SNX29: variants seen among roughly 807,000 people sequenced by gnomAD.
SNX29 encodes the protein sorting nexin-29.
A neutral mutation model predicts 102.1 loss-of-function variants in SNX29; 78 were observed. The observed-to-expected ratio is 0.76, with a 90% CI of 0.64 to 0.92. The LOEUF is 0.92. Among genes scored for constraint, SNX29 ranks in the 40% least tolerant of loss-of-function variants. SNX29 has a pLI of 0.00. For missense variants in SNX29, 1,280 were observed against 1,061.7 expected (o/e 1.21, Z -2.86); for synonymous variants, 580 against 414.5 (o/e 1.40, Z -4.85).
At chr16:12,500,792 A>G (rs190833544) in intron 19 of SNX29, among the ~76,000 whole-genome samples, 3 of 152,196 alleles carry the variant, frequency 2.0e-5, no homozygotes, top group Non-Finnish European at 4.4e-5. Context: ...GGTTGCATAC[A>G]CAAGCAAGTT....
At position 12,282,958 on chromosome 16, in the gene SNX29, A is replaced by G. The variant is rs1005493122; in HGVS notation, c.1782+4922A>G. Reference sequence around the variant, plus strand: ...AGGCGTGAGCCACTGCACTCGGCCCACAGTTAAGTCTTAACTAGAGCTCAG... The same window carrying G: ...AGGCGTGAGCCACTGCACTCGGCCCGCAGTTAAGTCTTAACTAGAGCTCAG... On this transcript the variant is annotated intron_variant, in intron 15 of 20. Coordinates refer to ENST00000566228, the MANE Select transcript of SNX29 (RefSeq NM_032167.5). 7.9e-5 allele frequency among the ~76,000 whole-genome samples: 12 copies of G among 152,250 alleles called. 1 individual carries two copies. The highest frequency in any genetic ancestry group is 7.2e-4 in the Admixed American group (11 of 15,300).
At chr16:12,550,176 C>G (rs561422900) in intron 20 of SNX29, among the ~76,000 whole-genome samples, 2 of 152,186 alleles carry the variant, frequency 1.3e-5, no homozygotes, top group Non-Finnish European at 2.9e-5. Flanking sequence ...GAAAAAATCT[C>G]CATGACATTA....
At chr16:12,264,071 G>A (rs2078855751) in intron 14 of SNX29, among the ~76,000 whole-genome samples, 1 of 152,226 alleles carries the variant, frequency 6.6e-6, no homozygotes, top group African/African-American at 2.4e-5. Context: ...CTACGAGAAA[G>A]GTGTGATTAT....
intron 16 of SNX29, among the ~76,000 whole-genome samples, chr16:12,370,802 C>T (rs1212461467): frequency 1.3e-5 from 2 of 152,192 alleles, no homozygotes; most frequent in Non-Finnish European, 2.9e-5. Context: ...CAGTTTGTGC[C>T]TAGATTCATT....
chr16:12,193,326 C>T (rs755647062), intron 13 of SNX29, among the ~76,000 whole-genome samples: 14 of 151,890 alleles, frequency 9.2e-5, no homozygotes, highest in Non-Finnish European at 1.3e-4. Context: ...AACAATTAGC[C>T]GGGCCTAGTG....
intron 19 of SNX29, among the ~76,000 whole-genome samples, chr16:12,480,531 C>T (rs1393310752): frequency 6.6e-6 from 1 of 152,154 alleles, no homozygotes; most frequent in African/African-American, 2.4e-5. Flanking sequence ...CCTAACTTAA[C>T]CACATCTGCT....
At chr16:12,158,441 C>A (rs2055647075) in intron 13 of SNX29, among the ~76,000 whole-genome samples, 1 of 152,142 alleles carries the variant, frequency 6.6e-6, no homozygotes, top group South Asian at 2.1e-4. Flanking sequence ...CTCAAGTGAT[C>A]CACCCACCTC....
chr16:12,361,727 C>T (rs1169419535), intron 16 of SNX29, among the ~76,000 whole-genome samples: 1 of 151,898 alleles, frequency 6.6e-6, no homozygotes, highest in African/African-American at 2.4e-5. Flanking sequence ...ATATGATATA[C>T]TAATGGTAAT....
intron 14 of SNX29, among the ~76,000 whole-genome samples, chr16:12,248,253 C>T (rs1186406466): frequency 6.6e-6 from 1 of 152,220 alleles, no homozygotes; most frequent in Non-Finnish European, 1.5e-5. Flanking sequence ...TGGCCTCTTC[C>T]TCCTCCCTCA....
At chr16:12,005,971 A>T (rs1167661574) in intron 3 of SNX29, among the ~76,000 whole-genome samples, 2 of 152,202 alleles carry the variant, frequency 1.3e-5, no homozygotes, top group Admixed American at 6.5e-5. Context: ...GTTCTATTTT[A>T]TAGTAGAATT....
intron 19 of SNX29, among the ~76,000 whole-genome samples, chr16:12,517,136 A>C (rs555280386): frequency 6.6e-6 from 1 of 152,346 alleles, no homozygotes; most frequent in Non-Finnish European, 1.5e-5. Context: ...ACAGAGTGAC[A>C]GCAGAGCCAC....
intron 20 of SNX29, chr16:12,560,970 G>C (rs1205542847): frequency 9.4e-6 from 2 of 212,796 alleles, no homozygotes; most frequent in Non-Finnish European, 1.9e-5. Context: ...CTGCCTTCAA[G>C]GAACCCTTGG....
intron 20 of SNX29, among the ~76,000 whole-genome samples, chr16:12,554,703 C>T (rs1056270454): frequency 5.9e-5 from 9 of 152,190 alleles, no homozygotes; most frequent in East Asian, 1.9e-4. Flanking sequence ...CTGCCCATGC[C>T]TGGTGACAGC....
At chr16:12,419,753 C>G (rs999352231) in intron 18 of SNX29, among the ~76,000 whole-genome samples, 6 of 152,206 alleles carry the variant, frequency 3.9e-5, no homozygotes, top group Non-Finnish European at 5.9e-5. Flanking sequence ...CTGTCTTTGA[C>G]TCTCAATGGT....
chr16:12,225,829 C>T (rs2077595442), intron 14 of SNX29, among the ~76,000 whole-genome samples: 1 of 152,186 alleles, frequency 6.6e-6, no homozygotes, highest in African/African-American at 2.4e-5. Flanking sequence ...TTCTAGCATC[C>T]AGCCCACATT....
At chr16:12,566,752 C>CA (rs1357049358) in intron 20 of SNX29, among the ~76,000 whole-genome samples, 1 of 152,200 alleles carries the variant, frequency 6.6e-6, no homozygotes, top group East Asian at 1.9e-4. Context: ...TGCAGCCAGA[C>CA]ACCCACCTAA....
chr16:12,334,091 G>A (rs753144459), intron 15 of SNX29, among the ~76,000 whole-genome samples: 2 of 152,100 alleles, frequency 1.3e-5, no homozygotes, highest in Admixed American at 1.3e-4. Flanking sequence ...GCTAGACGTA[G>A]GGAAACACTT....
intron 11 of SNX29, 71 bp downstream of exon 11, chr16:12,078,986 T>C: frequency 1.5e-6 from 2 of 1,352,992 alleles, no homozygotes; most frequent in Non-Finnish European, 2.0e-6. Flanking sequence ...GCGGTGCCTT[T>C]GTGCTTCTAA....
Position 12,384,227 on chromosome 16 carries a change from G to A in SNX29, c.1900-14219G>A, listed in dbSNP as rs572884453. Reference sequence around the variant, plus strand: ...AATATACTGATTTTCTTTCTTTCGGGTATATACCCAGCAGTGGGATTGCTG... The same window carrying A: ...AATATACTGATTTTCTTTCTTTCGGATATATACCCAGCAGTGGGATTGCTG... On this transcript the variant is annotated intron_variant, in intron 16 of 20. Transcript: ENST00000566228. 5.9e-5 allele frequency among the ~76,000 whole-genome samples: 9 copies of A among 152,260 alleles called. No individual in the cohort carries two copies. The East Asian group carries it at 1.4e-3, about 23-fold the overall frequency.
Sources: allele counts gnomAD v4.1 joint callset (sites outside exome capture counted in the v4.1 genomes callset), GRCh38; gene constraint gnomAD v4.1.1; transcripts MANE v1.5; gene names NCBI Gene and HGNC (gene_info 2026-07-23, HGNC 2026-07-21).